Variants in IQSEC1 observed in about 807,000 individuals in gnomAD.
The protein encoded by IQSEC1 is IQ motif and Sec7 domain ArfGEF 1.
A neutral mutation model predicts 91.0 loss-of-function variants in IQSEC1; 31 were observed. The ratio of observed to expected loss-of-function variants is 0.34; its 90% CI spans 0.26 to 0.46. The LOEUF (loss-of-function observed/expected upper bound fraction) is 0.46, where lower values mean the gene tolerates loss of function less well. Ranked by LOEUF, IQSEC1 falls within the 20% of genes least tolerant of loss-of-function variation. The probability of loss-of-function intolerance (pLI) is 1.00; values close to 1 mark genes in which losing one functional copy is unlikely to be tolerated. For synonymous variants in IQSEC1, 699 were observed against 662.6 expected (o/e 1.05, Z -0.84); for missense variants, 1,388 against 1,575.6 (o/e 0.88, Z 2.02).
In IQSEC1 at chr3:13,197,886, T is replaced by G. The variant is rs560585620; in HGVS notation, c.273-33753A>C. ...GCCAGCGGGAAGAAAAACCCTGGTC[T>G]TGGAGGGCCTGAGTGGCCTGCCCAA... is the stretch of plus-strand genomic sequence containing the variant. On this transcript the variant is annotated intron_variant, in intron 1 of 15. Coordinates refer to the IQSEC1 transcript ENST00000648114. 3.9e-5 allele frequency among the ~76,000 whole-genome samples: 6 copies of G among 152,352 alleles called. No individual in the cohort carries two copies. The South Asian group carries it at 1.2e-3, about 32-fold the overall frequency.
rs558922278 is a variant in IQSEC1, at chr3:12,941,955, G to A, written c.24-90C>T. The A allele has an allele frequency of 4.8e-4, 594 of 1,230,376 alleles. 2 individuals carry two copies. Among genetic ancestry groups the A allele is most frequent in the Middle Eastern group, 4.0e-3 (14 of 3,504 alleles). 76.2% of individuals were successfully genotyped at this position (1,230,376 alleles called of 1,614,324 possible). On this transcript the variant is annotated intron_variant, in intron 1 of 13. Transcript: ENST00000613206. ...TGGGGCGTGACCCCACCATGCTCCT[G>A]GAGGAGCCCCCATGCCCGTTCTTCT...
Position 12,924,642 on chromosome 3 carries a change from G to A in IQSEC1, c.1669C>T (p.Arg557Trp), listed in dbSNP as rs1367195012. 5 of 1,610,654 alleles carry A rather than the reference G, an allele frequency of 3.1e-6. No individual in the cohort carries two copies. The highest frequency in any genetic ancestry group is 3.4e-6 in the Non-Finnish European group (4 of 1,178,410). ...CCCAGGAACTCGCCGATCATCTGCC[G>A]GCTGAGGCCCTTGCGCTGCAGCAGG... ...HFLLQRKGLS[R>W]QMIGEFLGNR... The change falls in exon 4 of 14, where the codon CGG (arginine) becomes TGG (tryptophan). Residue 557 changes from arginine to tryptophan, a missense_variant. Around this residue, in one of 2 missense-constraint regions of IQSEC1, gnomAD observed 1,059 missense variants for 1,317.8 expected, o/e 0.80. Transcript: ENST00000613206. The surrounding 1 kb of genome is among the most constrained non-coding windows in gnomAD (Gnocchi z 6.3).
intron 1 of IQSEC1, among the ~76,000 whole-genome samples, chr3:12,998,470 G>A (rs1252726234): frequency 6.6e-6 from 1 of 152,046 alleles, no homozygotes; most frequent in African/African-American, 2.4e-5. Flanking sequence ...AAGGATGTAG[G>A]GTATGTTACT....
In IQSEC1 at chr3:13,008,705, C is replaced by G. The variant is rs1702742060; in HGVS notation, c.23+64287G>C. ...AGGGGGTCTCACGCTGGTGTCCTCA[C>G]TGCTTTGAGCGGTGCTGGGCACACA... On this transcript the variant is annotated intron_variant, in intron 1 of 13. Transcript: ENST00000613206. This position sits in a 1 kb window ranked among gnomAD's most constrained non-coding sequence, Gnocchi z 4.1. 6.6e-6 allele frequency among the ~76,000 whole-genome samples: 1 copy of G among 152,218 alleles called. No individual in the cohort carries two copies. Among genetic ancestry groups the G allele is most frequent in the South Asian group, 2.1e-4 (1 of 4,836 alleles).
intron 2 of IQSEC1, among the ~76,000 whole-genome samples, chr3:13,146,987 C>T (rs990104455): frequency 6.6e-6 from 1 of 152,152 alleles, no homozygotes; most frequent in Non-Finnish European, 1.5e-5. Flanking sequence ...CTCTGGGCCT[C>T]AAAGCTCCAG....
At chr3:12,945,252 T>C (rs1699102300) in intron 1 of IQSEC1, among the ~76,000 whole-genome samples, 1 of 152,096 alleles carries the variant, frequency 6.6e-6, no homozygotes, top group African/African-American at 2.4e-5. Flanking sequence ...TTTCTGGGCC[T>C]GTGGCAGCCC....
intron 1 of IQSEC1, among the ~76,000 whole-genome samples, chr3:13,044,940 C>A (rs1704439452): frequency 6.6e-6 from 1 of 152,252 alleles, no homozygotes; most frequent in Non-Finnish European, 1.5e-5. Context: ...GGGCCCTAGT[C>A]CTGGACCTGG....
chr3:12,991,700 G>A (rs1701999437), intron 1 of IQSEC1, among the ~76,000 whole-genome samples: 1 of 152,212 alleles, frequency 6.6e-6, no homozygotes, highest in African/African-American at 2.4e-5. Context: ...TCTTGGCTGG[G>A]GACACTTAGG....
intron 1 of IQSEC1, among the ~76,000 whole-genome samples, chr3:13,014,436 GA>G (rs1224832796): frequency 6.6e-6 from 1 of 152,242 alleles, no homozygotes; most frequent in Admixed American, 6.5e-5. Flanking sequence ...ATTTGAGACA[GA>G]GTGACTGACC....
At chr3:13,016,973 T>C (rs1703162817) in intron 1 of IQSEC1, among the ~76,000 whole-genome samples, 1 of 152,212 alleles carries the variant, frequency 6.6e-6, no homozygotes, top group Admixed American at 6.5e-5. Context: ...AACGGGACCA[T>C]ACGCTCTGTG....
rs1702712412 is a variant in IQSEC1, at chr3:13,008,030, C to T, written c.23+64962G>A. ...TCCTCTAGGAAGCCAGGTGAGAGAG[C>T]AGAGGAACTACCCTTCCATAAGCCC... is the stretch of plus-strand genomic sequence containing the variant. On this transcript the variant is annotated intron_variant, in intron 1 of 13. Transcript: ENST00000613206. The surrounding 1 kb of genome is among the most constrained non-coding windows in gnomAD (Gnocchi z 4.1). Among the ~76,000 whole-genome samples the T allele has an allele frequency of 6.6e-6, 1 of 152,230 alleles. No homozygotes were observed. Among genetic ancestry groups the T allele is most frequent in the Non-Finnish European group, 1.5e-5 (1 of 68,040 alleles).
chr3:13,240,552 G>A (rs1423161413), intron 1 of IQSEC1, among the ~76,000 whole-genome samples: 1 of 152,068 alleles, frequency 6.6e-6, no homozygotes, highest in Non-Finnish European at 1.5e-5. Context: ...GCCTGGCAAG[G>A]GGTGGGCGCC....
intron 1 of IQSEC1, among the ~76,000 whole-genome samples, chr3:13,247,447 T>G (rs779209600): frequency 1.1e-4 from 16 of 152,128 alleles, no homozygotes; most frequent in Non-Finnish European, 2.2e-4. Context: ...TGGCCTCACC[T>G]CCCTCATCGC....
chr3:12,937,994 C>T (rs1698355970), intron 2 of IQSEC1, among the ~76,000 whole-genome samples: 1 of 152,196 alleles, frequency 6.6e-6, no homozygotes, highest in Non-Finnish European at 1.5e-5. Context: ...ACACAGACCT[C>T]CCGAATTCCT....
At chr3:13,180,820 G>A (rs1441682198) in intron 1 of IQSEC1, among the ~76,000 whole-genome samples, 1 of 151,766 alleles carries the variant, frequency 6.6e-6, no homozygotes, top group African/African-American at 2.4e-5. Context: ...GCGAGACCAC[G>A]AACCCACCAG....
Position 12,909,250 on chromosome 3 carries a change from T to G in IQSEC1, c.2578+23A>C. 1 of 1,610,068 alleles carries G rather than the reference T, an allele frequency of 6.2e-7. No homozygotes were observed. The highest frequency in any genetic ancestry group is 8.5e-7 in the Non-Finnish European group (1 of 1,176,814). On this transcript the variant is annotated intron_variant, in intron 11 of 13. Transcript: ENST00000613206. The surrounding 1 kb of genome is among the most constrained non-coding windows in gnomAD (Gnocchi z 4.9). ...CAGAGTCTGGCAAGTCTCGGCCTTC[T>G]GTCCATGAGGCCTGGTACTCACACT...
intron 2 of IQSEC1, among the ~76,000 whole-genome samples, chr3:13,127,245 T>C (rs1706529666): frequency 6.6e-6 from 1 of 152,092 alleles, no homozygotes; most frequent in Non-Finnish European, 1.5e-5. Flanking sequence ...AAACCCCGCC[T>C]CTACTAAAAA....
At chr3:13,244,466 C>T (rs114437570) in intron 1 of IQSEC1, among the ~76,000 whole-genome samples, 3,035 of 152,300 alleles carry the variant, frequency 0.02, 60 homozygotes, top group Middle Eastern at 0.041. Context: ...GCCATTCAAA[C>T]GTAGGATCCT....
rs1311855959 is a variant in IQSEC1, at chr3:12,897,865, A to T, written c.*3118T>A. ...GCACTGGGTGCTGAAGACATTTTTA[A>T]GCAAGATGTGCACAGCATATTAGGA... is the stretch of plus-strand genomic sequence containing the variant. On this transcript the variant is annotated 3_prime_UTR_variant, in exon 14 of 14. Transcript: ENST00000613206. The T allele has an allele frequency of 6.6e-6, 1 of 152,252 alleles. No homozygotes were observed. The allele number at this position is 152,252 out of a possible 1,614,324, so 9.4% of individuals were successfully genotyped here.
Sources: gnomAD v4.1 joint callset for allele counts (sites outside exome capture counted in the v4.1 genomes callset) on GRCh38, gnomAD v4.1.1 for gene constraint, gnomAD v4.1.1 regional missense constraint, Gnocchi (gnomAD v3.1) non-coding constraint, MANE v1.5 for transcripts, NCBI Gene and HGNC (gene_info 2026-07-23, HGNC 2026-07-21) for gene names.